Variants in IL17RD observed in about 807,000 individuals in gnomAD.
The protein encoded by IL17RD is interleukin-17 receptor D.
IL17RD carries 52 observed loss-of-function variants against 80.5 expected under a neutral mutation model. That is an observed-to-expected ratio of 0.65 (90% CI 0.52 to 0.81). The LOEUF is 0.81. Ranked by LOEUF, IL17RD falls within the 40% of genes least tolerant of loss-of-function variation. The pLI, the probability that IL17RD is intolerant of heterozygous loss-of-function variation, is 0.00. For synonymous variants in IL17RD, 416 were observed against 391.8 expected (o/e 1.06, Z -0.73); for missense variants, 1,024 against 955.1 (o/e 1.07, Z -0.95).
intron 1 of IL17RD, among the ~76,000 whole-genome samples, chr3:57,156,249 G>A (rs2107542462): frequency 6.6e-6 from 1 of 152,182 alleles, no homozygotes; most frequent in South Asian, 2.1e-4. Flanking sequence ...GCATGGTCAG[G>A]TCTGATACTT....
chr3:57,101,139 G>C, intron 11 of IL17RD, 40 bp downstream of exon 11: 1 of 1,557,030 alleles, frequency 6.4e-7, no homozygotes, highest in Non-Finnish European at 8.8e-7. Context: ...CAGGGCAAGT[G>C]TCCTGGCCAG....
intron 1 of IL17RD, among the ~76,000 whole-genome samples, chr3:57,159,022 G>T (rs1347884263): frequency 6.6e-6 from 1 of 152,020 alleles, no homozygotes; most frequent in Non-Finnish European, 1.5e-5. Flanking sequence ...ACACCAAAGG[G>T]TTTCCAACTC....
intron 1 of IL17RD, among the ~76,000 whole-genome samples, chr3:57,122,873 C>T (rs1707371343): frequency 6.6e-6 from 1 of 151,774 alleles, no homozygotes; most frequent in Admixed American, 6.6e-5. Context: ...CAATATGCTC[C>T]CTAGTGCATA....
At chr3:57,100,614 T>C (rs1706804819) in intron 11 of IL17RD, among the ~76,000 whole-genome samples, 1 of 152,186 alleles carries the variant, frequency 6.6e-6, no homozygotes, top group African/African-American at 2.4e-5. Flanking sequence ...TCCTGCATCA[T>C]GAGTTTCTCC....
At chr3:57,108,509 C>CTTTG (rs1707016476) in intron 5 of IL17RD, among the ~76,000 whole-genome samples, 1 of 49,154 alleles carries the variant, frequency 2.0e-5, no homozygotes, top group East Asian at 7.8e-4. Context: ...TGATACATGG[C>CTTTG]TTTTTTTTTT....
At chr3:57,114,531 C>T (rs1422872695) in intron 3 of IL17RD, among the ~76,000 whole-genome samples, 161 bp downstream of exon 3, 4 of 152,350 alleles carry the variant, frequency 2.6e-5, no homozygotes, top group Middle Eastern at 3.4e-3. Context: ...GCCATGTGTA[C>T]GCCCAGCAAA....
intron 11 of IL17RD, among the ~76,000 whole-genome samples, chr3:57,099,189 AAC>A (rs1269535774): frequency 4.6e-5 from 7 of 152,204 alleles, no homozygotes; most frequent in African/African-American, 1.7e-4. Flanking sequence ...GAACTGCATT[AAC>A]ATGGTCATTC....
intron 1 of IL17RD, among the ~76,000 whole-genome samples, chr3:57,141,711 C>T (rs1371317080): frequency 6.6e-6 from 1 of 152,084 alleles, no homozygotes; most frequent in Non-Finnish European, 1.5e-5. Flanking sequence ...GTTTCTTTTG[C>T]AATTCTCCCC....
At chr3:57,108,305 C>T (rs983527070) in intron 5 of IL17RD, among the ~76,000 whole-genome samples, 66 of 151,946 alleles carry the variant, frequency 4.3e-4, no homozygotes, top group African/African-American at 1.6e-3. Context: ...CTGCCTGCCT[C>T]GGCCTCCCAA....
At chr3:57,121,542 C>A (rs1707338432) in intron 1 of IL17RD, among the ~76,000 whole-genome samples, 1 of 152,172 alleles carries the variant, frequency 6.6e-6, no homozygotes, top group African/African-American at 2.4e-5. Flanking sequence ...CATGACACAC[C>A]AGCCCACAAT....
Position 57,105,536 on chromosome 3 carries a change from C to CAAAAAAAAAAAAAAA in IL17RD, c.747+306_747+320dup, listed in dbSNP as rs745910085. 2.5e-3 allele frequency among the ~76,000 whole-genome samples: 90 copies of CAAAAAAAAAAAAAAA among 35,572 alleles called. 8 individuals carry two copies. Among genetic ancestry groups the CAAAAAAAAAAAAAAA allele is most frequent in the Non-Finnish European group, 3.4e-3 (58 of 16,904 alleles). The allele number at this position is 35,572 out of a possible 152,430, so 23.3% of individuals were successfully genotyped here. On this transcript the variant is annotated intron_variant, in intron 7 of 12. Transcript: ENST00000296318. ...TGGGCAACAGAGCAAGACTCCATCT[C>CAAAAAAAAAAAAAAA]AAAAAAAAAAAAAAAAATATATATA...
At chr3:57,120,194 G>T in intron 2 of IL17RD, 62 bp downstream of exon 2, 2 of 1,291,298 alleles carry the variant, frequency 1.5e-6, no homozygotes, top group Non-Finnish European at 2.3e-6. Context: ...ATTAAGCATG[G>T]CTATGTAATC....
At chr3:57,136,176 A>C (rs775363475) in intron 1 of IL17RD, among the ~76,000 whole-genome samples, 1 of 152,206 alleles carries the variant, frequency 6.6e-6, no homozygotes, top group Non-Finnish European at 1.5e-5. Context: ...TGGAAACCTA[A>C]GACCTCCAAC....
At chr3:57,113,762 C>G (rs966560810) in intron 3 of IL17RD, among the ~76,000 whole-genome samples, 2 of 152,008 alleles carry the variant, frequency 1.3e-5, no homozygotes, top group Admixed American at 6.5e-5. Context: ...AGGCTAGTCT[C>G]GAACTCCTGG....
chr3:57,164,193 C>T (rs1210032940), intron 1 of IL17RD, among the ~76,000 whole-genome samples: 1 of 152,216 alleles, frequency 6.6e-6, no homozygotes, highest in African/African-American at 2.4e-5. Context: ...GCAAAGCCTA[C>T]GTTTTCTCCA....
chr3:57,098,429 C>T lies in IL17RD; in HGVS notation c.1274G>A (p.Gly425Asp). 6.2e-7 allele frequency: 1 copy of T among 1,613,980 alleles called. No individual in the cohort carries two copies. The highest frequency in any genetic ancestry group is 8.5e-7 in the Non-Finnish European group (1 of 1,179,862). ...SQFIIVVCSK[G>D]MKYFVDKKNY... ...CTTCTTGTCCACAAAGTACTTCATA[C>T]CTTTGGAACAAACCACAATGATGAA... The change falls in exon 12 of 13, where the codon GGT (glycine) becomes GAT (aspartate). Residue 425 changes from glycine (G) to aspartate (D), a missense_variant. Gly to Asp is a moderately conservative substitution (Grantham distance 94). Transcript: ENST00000296318.
At chr3:57,146,031 A>G (rs369759125) in intron 1 of IL17RD, among the ~76,000 whole-genome samples, 4 of 132,758 alleles carry the variant, frequency 3.0e-5, no homozygotes, top group South Asian at 2.3e-4. Context: ...ACACACACTC[A>G]CGCGCGCGCG....
At chr3:57,127,408 A>ATT (rs1266033860) in intron 1 of IL17RD, among the ~76,000 whole-genome samples, 19 of 87,214 alleles carry the variant, frequency 2.2e-4, no homozygotes, top group South Asian at 7.6e-4. Flanking sequence ...ATATATATAT[A>ATT]TATATTTTTT....
At chr3:57,147,266 T>C (rs1707952257) in intron 1 of IL17RD, among the ~76,000 whole-genome samples, 1 of 152,178 alleles carries the variant, frequency 6.6e-6, no homozygotes, top group Admixed American at 6.5e-5. Context: ...GTATCTTGCT[T>C]ACATCTTAAA....
Sources: allele counts gnomAD v4.1 joint callset (sites outside exome capture counted in the v4.1 genomes callset), GRCh38; gene constraint gnomAD v4.1.1; transcripts MANE v1.5; gene names NCBI Gene and HGNC (gene_info 2026-07-23, HGNC 2026-07-21).